Variants in FAP observed in about 807,000 individuals in gnomAD.
FAP encodes the protein prolyl endopeptidase FAP.
In FAP, 110 loss-of-function variants were observed where a neutral mutation model predicts 126.5. That is an observed-to-expected ratio of 0.87 (90% CI 0.74 to 1.02). The LOEUF (loss-of-function observed/expected upper bound fraction) is 1.02, where lower values mean the gene tolerates loss of function less well. Among genes scored for constraint, FAP ranks in the 50% least tolerant of loss-of-function variants. The pLI, the probability that FAP is intolerant of heterozygous loss-of-function variation, is 0.00. For missense variants in FAP, 919 were observed against 909.2 expected (o/e 1.01, Z -0.14); for synonymous variants, 334 against 297.3 (o/e 1.12, Z -1.27).
chr2:162,176,729 G>A (rs1242871001), intron 21 of FAP: 3 of 152,038 alleles, frequency 2.0e-5, no homozygotes, highest in Non-Finnish European at 4.4e-5. Flanking sequence ...AAAAATACTG[G>A]GTCCTGCTTC....
Position 162,213,881 on chromosome 2 carries a change from C to T in FAP, c.1002+57G>A. Reference sequence around the variant, plus strand: ...ATAAAATGTTAGCTATGGATGAGTCCCCACTATTGTGCCTTGATCTTCAGA... The same window carrying T: ...ATAAAATGTTAGCTATGGATGAGTCTCCACTATTGTGCCTTGATCTTCAGA... On this transcript the variant is annotated intron_variant, in intron 11 of 25. Transcript: ENST00000188790. The T allele has an allele frequency of 3.9e-6, 6 of 1,550,870 alleles. 1 individual carries two copies. In the South Asian group the frequency reaches 7.4e-5, roughly 19 times the overall value.
At chr2:162,201,426 C>T (rs1410470168) in intron 14 of FAP, among the ~76,000 whole-genome samples, 1 of 152,114 alleles carries the variant, frequency 6.6e-6, no homozygotes, top group East Asian at 1.9e-4. Context: ...AAACTAACAC[C>T]TTTCTATGCA....
In FAP at chr2:162,223,198, C is replaced by T. The variant is rs145184095; in HGVS notation, c.413+410G>A. 4.8e-3 allele frequency among the ~76,000 whole-genome samples: 730 copies of T among 152,106 alleles called. 9 individuals carry two copies. Among genetic ancestry groups the T allele is most frequent in the African/African-American group, 0.017 (685 of 41,508 alleles). On this transcript the variant is annotated intron_variant, in intron 6 of 25. Transcript: ENST00000188790. ...TAATTTTAAAACAGTTAATGGAGTACGTGTTCAGACACAACTAATGCTACA... is the reference window on the plus strand; with the variant it reads ...TAATTTTAAAACAGTTAATGGAGTATGTGTTCAGACACAACTAATGCTACA...
At chr2:162,238,294 G>A (rs1690218919) in intron 2 of FAP, among the ~76,000 whole-genome samples, 1 of 152,066 alleles carries the variant, frequency 6.6e-6, no homozygotes, top group African/African-American at 2.4e-5. Context: ...GCACACCTCT[G>A]GCTCAGACTT....
At chr2:162,181,067 G>C (rs950900445) in intron 21 of FAP, among the ~76,000 whole-genome samples, 1 of 152,152 alleles carries the variant, frequency 6.6e-6, no homozygotes, top group South Asian at 2.1e-4. Context: ...TTGAGCCTAG[G>C]GGTTTGAGAC....
chr2:162,213,790 C>T (rs1210691046), intron 11 of FAP, 148 bp downstream of exon 11: 2 of 615,546 alleles, frequency 3.2e-6, no homozygotes, highest in Non-Finnish European at 2.7e-6. Context: ...ATGATGGACC[C>T]ATGAATACTG....
At chr2:162,225,376 G>T in intron 4 of FAP, 107 bp downstream of exon 4, 2 of 1,424,584 alleles carry the variant, frequency 1.4e-6, no homozygotes, top group South Asian at 1.3e-5. Context: ...ATGGAGCTGG[G>T]AAGGCAAGTT....
At chr2:162,188,989 C>A in intron 19 of FAP, 114 bp downstream of exon 19, 1 of 525,168 alleles carries the variant, frequency 1.9e-6, no homozygotes, top group South Asian at 3.9e-5. Context: ...TATATAAAAA[C>A]AGCATCAATA....
chr2:162,221,413 T>C lies in FAP; in HGVS notation c.414-1488A>G, dbSNP rs148207009. ...GGTGGCACAAGCCTGTAATCCTAGCTACTTAGGAGGCTGAGGCGGGAGAAT... is the reference window on the plus strand; with the variant it reads ...GGTGGCACAAGCCTGTAATCCTAGCCACTTAGGAGGCTGAGGCGGGAGAAT... On this transcript the variant is annotated intron_variant, in intron 6 of 25. Transcript: ENST00000188790. Among the ~76,000 whole-genome samples the C allele has an allele frequency of 8.6e-4, 130 of 151,876 alleles. 1 individual carries two copies. The East Asian group carries it at 0.021, about 25-fold the overall frequency.
At chr2:162,185,040 G>T (rs1163965924) in intron 20 of FAP, among the ~76,000 whole-genome samples, 2 of 152,128 alleles carry the variant, frequency 1.3e-5, no homozygotes, top group Non-Finnish European at 1.5e-5. Flanking sequence ...CTAGGTTAAA[G>T]GTTAGCTAGA....
At chr2:162,211,502 A>G (rs904452237) in intron 11 of FAP, among the ~76,000 whole-genome samples, 2 of 152,184 alleles carry the variant, frequency 1.3e-5, no homozygotes, top group Non-Finnish European at 2.9e-5. Context: ...GCTGGAAAGG[A>G]AAAGAACAGT....
chr2:162,179,111 A>G (rs1305434539), intron 21 of FAP, among the ~76,000 whole-genome samples: 1 of 152,148 alleles, frequency 6.6e-6, no homozygotes, highest in African/African-American at 2.4e-5. Context: ...ACCTTGCCCT[A>G]TTGACTTCAA....
chr2:162,177,984 G>A (rs1687544300), intron 21 of FAP, among the ~76,000 whole-genome samples: 1 of 152,072 alleles, frequency 6.6e-6, no homozygotes, highest in Admixed American at 6.6e-5. Flanking sequence ...AGCAGAGCTG[G>A]GACTCAAACT....
intron 17 of FAP, chr2:162,194,183 G>T (rs1688152901): frequency 6.6e-6 from 1 of 152,130 alleles, no homozygotes; most frequent in African/African-American, 2.4e-5. Context: ...TGATGTAGCT[G>T]TTAAAACAAA....
At chr2:162,192,408 A>C (rs991396325) in intron 17 of FAP, among the ~76,000 whole-genome samples, 1 of 151,042 alleles carries the variant, frequency 6.6e-6, no homozygotes, top group South Asian at 2.1e-4. Context: ...ACAATACCAT[A>C]CTCTCAAGTT....
chr2:162,183,665 C>T, intron 20 of FAP, 197 bp from the exon 21 acceptor site: 2 of 517,352 alleles, frequency 3.9e-6, no homozygotes, highest in East Asian at 3.4e-5. Flanking sequence ...AAAGGATTCC[C>T]TTAGACTCTG....
chr2:162,230,982 A>G (rs1689877089), intron 2 of FAP, among the ~76,000 whole-genome samples: 1 of 152,134 alleles, frequency 6.6e-6, no homozygotes, highest in Non-Finnish European at 1.5e-5. Flanking sequence ...CACATAACTG[A>G]GTGTTGACCA....
intron 15 of FAP, 110 bp downstream of exon 15, chr2:162,200,456 T>C: frequency 1.6e-6 from 1 of 633,752 alleles, no homozygotes; most frequent in Non-Finnish European, 2.8e-6. Flanking sequence ...TCATAAATGA[T>C]TTTTATTATG....
intron 2 of FAP, among the ~76,000 whole-genome samples, chr2:162,227,247 C>A (rs1014471073): frequency 1.3e-5 from 2 of 152,072 alleles, no homozygotes; most frequent in African/African-American, 4.8e-5. Context: ...GAAAAGAAAA[C>A]CCCTTGATCT....
Sources: gnomAD v4.1 joint callset for allele counts (sites outside exome capture counted in the v4.1 genomes callset) on GRCh38, gnomAD v4.1.1 for gene constraint, MANE v1.5 for transcripts, NCBI Gene and HGNC (gene_info 2026-07-23, HGNC 2026-07-21) for gene names.